Variants in TRRAP observed in about 807,000 individuals in gnomAD.
The protein encoded by TRRAP is transformation/transcription domain-associated protein.
In TRRAP, 41 loss-of-function variants were observed where a neutral mutation model predicts 438.8. The observed-to-expected ratio is 0.09, with a 90% CI of 0.07 to 0.12. TRRAP has a LOEUF of 0.12. Among genes scored for constraint, TRRAP ranks in the 10% least tolerant of loss-of-function variants. TRRAP has a pLI of 1.00. For synonymous variants in TRRAP, 1,994 were observed against 1,962.9 expected (o/e 1.02, Z -0.42); for missense variants, 3,122 against 5,055.1 (o/e 0.62, Z 11.60).
chr7:98,909,302 G>A (rs1796947881), intron 14 of TRRAP, among the ~76,000 whole-genome samples: 2 of 152,216 alleles, frequency 1.3e-5, no homozygotes, highest in Admixed American at 6.5e-5. Context: ...GGGATTACAG[G>A]CGTGAGCCAC....
chr7:98,890,280 G>A, intron 3 of TRRAP, 55 bp from the exon 4 acceptor site: 2 of 1,186,366 alleles, frequency 1.7e-6, no homozygotes, highest in South Asian at 4.7e-5. Flanking sequence ...GTGTAAATTT[G>A]AAATGAAAAT....
At chr7:98,911,958 A>G (rs1415535288) in intron 17 of TRRAP, 64 bp from the exon 18 acceptor site, 3 of 1,431,672 alleles carry the variant, frequency 2.1e-6, no homozygotes, top group Non-Finnish European at 2.9e-6. Context: ...AAAGCTTACT[A>G]CTTTGTCTTA....
intron 21 of TRRAP, among the ~76,000 whole-genome samples, chr7:98,922,930 T>C (rs1052249429): frequency 2.0e-5 from 3 of 152,166 alleles, no homozygotes; most frequent in Non-Finnish European, 2.9e-5. Context: ...TAAGTAAACA[T>C]TGGGGAGGGA....
intron 7 of TRRAP, 70 bp from the exon 8 acceptor site, chr7:98,897,671 G>T (rs1584280640): frequency 9.6e-6 from 14 of 1,455,166 alleles, no homozygotes; most frequent in Non-Finnish European, 1.2e-5. Flanking sequence ...GTTTTGTTTT[G>T]TTTTGTTTTG....
intron 46 of TRRAP, among the ~76,000 whole-genome samples, chr7:98,961,879 C>T (rs576875181): frequency 1.1e-4 from 16 of 152,306 alleles, no homozygotes; most frequent in African/African-American, 3.6e-4. Context: ...GAGATCGTGC[C>T]ATTGCAATCC....
chr7:98,949,340 GA>G (rs1791225689), intron 35 of TRRAP, 76 bp from the exon 36 acceptor site: 2 of 1,381,282 alleles, frequency 1.4e-6, no homozygotes, highest in Non-Finnish European at 1.9e-6. Flanking sequence ...GATTTAGAAA[GA>G]TTTAACATTC....
chr7:98,992,144 G>A lies in TRRAP; in HGVS notation c.9764G>A (p.Arg3255His). ...LLLNLISQVGRVYPQAVYFPI... is the reference protein window; with the variant it reads ...LLLNLISQVGHVYPQAVYFPI... ...CATCTTGTCTCTGAGCAGGTTGGAC[G>A]CGTGTATCCCCAAGCGGTCTACTTT... The change falls in exon 65 of 73, where the codon CGC becomes CAC. Residue 3255 changes from arginine (R) to histidine (H), a missense_variant. Transcript: ENST00000456197. The A allele has an allele frequency of 6.2e-7, 1 of 1,614,218 alleles. No individual in the cohort carries two copies. Among genetic ancestry groups the A allele is most frequent in the Non-Finnish European group, 8.5e-7 (1 of 1,180,026 alleles).
At chr7:99,000,964 T>G (rs1793893702) in intron 67 of TRRAP, among the ~76,000 whole-genome samples, 1 of 152,278 alleles carries the variant, frequency 6.6e-6, no homozygotes, top group Non-Finnish European at 1.5e-5. Flanking sequence ...TGCCACGTTC[T>G]TTCTTCACTG....
intron 31 of TRRAP, 138 bp from the exon 32 acceptor site, chr7:98,945,609 A>T: frequency 1.1e-6 from 1 of 946,406 alleles, no homozygotes; most frequent in Non-Finnish European, 1.5e-6. Context: ...AGCATTTGTT[A>T]ATTACTGTGT....
intron 1 of TRRAP, among the ~76,000 whole-genome samples, chr7:98,880,262 G>GATTTGT (rs1795361205): frequency 1.5e-5 from 2 of 132,110 alleles, no homozygotes; most frequent in Non-Finnish European, 3.1e-5. Context: ...TGTTGTTGTT[G>GATTTGT]TTTTTTTTTT....
At chr7:99,004,973 C>G (rs78429977) in intron 68 of TRRAP, among the ~76,000 whole-genome samples, 158 bp from the exon 69 acceptor site, 7 of 152,156 alleles carry the variant, frequency 4.6e-5, no homozygotes. Flanking sequence ...TCATTTACAC[C>G]GCATCAGGGT....
chr7:98,880,718 A>G (rs1389369662), intron 1 of TRRAP, among the ~76,000 whole-genome samples: 1 of 152,148 alleles, frequency 6.6e-6, no homozygotes, highest in Non-Finnish European at 1.5e-5. Flanking sequence ...AGCCTCATTT[A>G]TTTACATGTT....
chr7:98,944,742 G>T (rs146032337), intron 31 of TRRAP, among the ~76,000 whole-genome samples: 1 of 152,206 alleles, frequency 6.6e-6, no homozygotes, highest in Non-Finnish European at 1.5e-5. Context: ...ACAGTGTTCC[G>T]TTGAGACACT....
intron 19 of TRRAP, 31 bp from the exon 20 acceptor site, chr7:98,917,392 C>G: frequency 6.2e-7 from 1 of 1,605,132 alleles, no homozygotes; most frequent in Non-Finnish European, 8.5e-7. Context: ...GGAGCGTCTT[C>G]CCTCTCTGAT....
At chr7:98,990,315 A>T in intron 63 of TRRAP, 140 bp from the exon 64 acceptor site, 2 of 717,954 alleles carry the variant, frequency 2.8e-6, no homozygotes, top group Non-Finnish European at 4.4e-6. Flanking sequence ...GTTTAGCAAT[A>T]ATGTTGGCCT....
intron 18 of TRRAP, among the ~76,000 whole-genome samples, chr7:98,913,263 T>TG (rs1431705030): frequency 4.6e-5 from 7 of 152,142 alleles, no homozygotes; most frequent in African/African-American, 1.7e-4. Context: ...CATCAACAGT[T>TG]GTCCACTTCA....
At chr7:99,001,822 A>G (rs775037212) in intron 67 of TRRAP, among the ~76,000 whole-genome samples, 1 of 152,224 alleles carries the variant, frequency 6.6e-6, no homozygotes, top group Non-Finnish European at 1.5e-5. Flanking sequence ...AGAAATGAAG[A>G]CTTCCATTCA....
chr7:98,892,302 A>G (rs1231847732), intron 4 of TRRAP, 122 bp from the exon 5 acceptor site: 6 of 785,414 alleles, frequency 7.6e-6, no homozygotes, highest in Middle Eastern at 2.8e-4. Flanking sequence ...ATTTTGTAGG[A>G]TGGTGGTTCA....
rs781994413 is a variant in TRRAP, at chr7:98,899,472, G to A, written c.684G>A (p.Leu228=). Residue 228 remains leucine, a synonymous_variant, in exon 9 of 73, where the codon TTG becomes TTA. Transcript: ENST00000456197. ...TTTCTCTGAAAGTGTTGGCAGAATT[G>A]CCCATTATTGTTGTTTTAATGTATC... The part of the protein sequence containing the change: ...GSLSLKVLAE[L]PIIVVLMYQL... 9.3e-6 allele frequency: 15 copies of A among 1,614,010 alleles called. No individual in the cohort carries two copies. The highest frequency in any genetic ancestry group is 3.3e-5 in the Admixed American group (2 of 59,992).
Sources: gnomAD v4.1 joint callset for allele counts (sites outside exome capture counted in the v4.1 genomes callset) on GRCh38, gnomAD v4.1.1 for gene constraint, MANE v1.5 for transcripts, NCBI Gene and HGNC (gene_info 2026-07-23, HGNC 2026-07-21) for gene names.